NOS1AP: variants seen among roughly 807,000 people sequenced by gnomAD.
NOS1AP encodes the protein nitric oxide synthase 1 adaptor protein, also known as carboxyl-terminal PDZ ligand of neuronal nitric oxide synthase protein.
A neutral mutation model predicts 56.2 loss-of-function variants in NOS1AP; 21 were observed. The ratio of observed to expected loss-of-function variants is 0.37; its 90% CI spans 0.26 to 0.54. The LOEUF is 0.54. NOS1AP is among the 20% of genes least tolerant of loss of function. The pLI is 0.84. For synonymous variants in NOS1AP, 270 were observed against 274.6 expected (o/e 0.98, Z 0.17); for missense variants, 522 against 657.8 (o/e 0.79, Z 2.26).
At chr1:162,299,634 C>G (rs969809593) in intron 3 of NOS1AP, among the ~76,000 whole-genome samples, 4 of 152,116 alleles carry the variant, frequency 2.6e-5, no homozygotes, top group Admixed American at 2.6e-4. Context: ...TAGTTTTTGG[C>G]TGTAACTGAA....
chr1:162,279,398 C>G (rs183598680), intron 2 of NOS1AP, among the ~76,000 whole-genome samples: 1 of 152,210 alleles, frequency 6.6e-6, no homozygotes, highest in East Asian at 1.9e-4. Flanking sequence ...ATGCCAGGGC[C>G]TGTTTGACTT....
chr1:162,129,178 C>T (rs530387127), intron 1 of NOS1AP, among the ~76,000 whole-genome samples: 1 of 152,268 alleles, frequency 6.6e-6, no homozygotes, highest in South Asian at 2.1e-4. Context: ...TTATGACTCA[C>T]TTAAGCCTTC....
intron 5 of NOS1AP, among the ~76,000 whole-genome samples, chr1:162,338,093 AG>A (rs1224020901): frequency 2.0e-5 from 3 of 152,220 alleles, no homozygotes; most frequent in African/African-American, 7.2e-5. Flanking sequence ...ATTCTGTGGC[AG>A]TTAAGGTCAA....
chr1:162,337,824 C>T (rs1313261107), intron 5 of NOS1AP, among the ~76,000 whole-genome samples: 3 of 152,188 alleles, frequency 2.0e-5, no homozygotes, highest in Non-Finnish European at 2.9e-5. Flanking sequence ...CAAGGCATCA[C>T]CTCAACCAAA....
intron 2 of NOS1AP, among the ~76,000 whole-genome samples, chr1:162,277,089 A>T (rs913957585): frequency 1.3e-5 from 2 of 152,140 alleles, no homozygotes; most frequent in Non-Finnish European, 2.9e-5. Context: ...ACTACGCTAG[A>T]AATAAAGAAC....
At chr1:162,289,051 A>G (rs1227213891) in intron 3 of NOS1AP, among the ~76,000 whole-genome samples, 1 of 152,198 alleles carries the variant, frequency 6.6e-6, no homozygotes, top group East Asian at 1.9e-4. Context: ...AGCAAAAGAT[A>G]TCCTCAGAGG....
intron 1 of NOS1AP, among the ~76,000 whole-genome samples, chr1:162,120,618 G>A (rs1648171802): frequency 6.6e-6 from 1 of 152,196 alleles, no homozygotes; most frequent in Non-Finnish European, 1.5e-5. Flanking sequence ...AGTGAAAGGG[G>A]GAACCCCTTA....
chr1:162,151,186 C>G (rs1205086188), intron 1 of NOS1AP, among the ~76,000 whole-genome samples: 1 of 152,178 alleles, frequency 6.6e-6, no homozygotes, highest in Admixed American at 6.5e-5. Flanking sequence ...ATATGGATAT[C>G]CAGTTTTCCC....
intron 2 of NOS1AP, 123 bp from the exon 3 acceptor site, chr1:162,287,221 C>T (rs1461351176): frequency 1.4e-6 from 1 of 709,218 alleles, no homozygotes; most frequent in Non-Finnish European, 2.5e-6. Context: ...TGCTCCCTGC[C>T]CCCAGGAGCT....
At chr1:162,144,568 C>CTTTCT (rs10589803) in intron 1 of NOS1AP, among the ~76,000 whole-genome samples, 37,953 of 151,318 alleles carry the variant, frequency 0.25, 5,599 homozygotes, top group South Asian at 0.56. Flanking sequence ...ATGTGTTGGA[C>CTTTCT]TTTCTTTTCT....
At chr1:162,168,984 C>G (rs17423132) in intron 2 of NOS1AP, among the ~76,000 whole-genome samples, 1 of 152,162 alleles carries the variant, frequency 6.6e-6, no homozygotes, top group South Asian at 2.1e-4. Flanking sequence ...GATTCCGTCT[C>G]CCTCAGAGAG....
intron 5 of NOS1AP, among the ~76,000 whole-genome samples, chr1:162,339,908 C>T (rs1276933071): frequency 6.6e-6 from 1 of 152,130 alleles, no homozygotes; most frequent in Non-Finnish European, 1.5e-5. Context: ...TAACGAGGTC[C>T]CCATATAGAA....
chr1:162,356,891 CA>C, intron 7 of NOS1AP, 68 bp from the exon 8 acceptor site: 1 of 1,611,222 alleles, frequency 6.2e-7, no homozygotes, highest in Non-Finnish European at 8.5e-7. Flanking sequence ...GAGTGCATGC[CA>C]AAGAGAGGGA....
At position 162,128,720 on chromosome 1, in the gene NOS1AP, C is replaced by T. The variant is rs545669155; in HGVS notation, c.106-25685C>T. ...TATGTAGTTAAGTGTCTGCTATTTG[C>T]AAGGTAATTTGTTAGCCTATGAATT... is the stretch of plus-strand genomic sequence containing the variant. On this transcript the variant is annotated intron_variant, in intron 1 of 9. Coordinates refer to ENST00000361897, the MANE Select transcript of NOS1AP (RefSeq NM_014697.3). Among the ~76,000 whole-genome samples the T allele has an allele frequency of 5.3e-5, 8 of 152,108 alleles. No individual in the cohort carries two copies. The South Asian group carries it at 1.5e-3, about 28-fold the overall frequency.
At chr1:162,179,104 T>C (rs1287576514) in intron 2 of NOS1AP, among the ~76,000 whole-genome samples, 1 of 152,186 alleles carries the variant, frequency 6.6e-6, no homozygotes, top group Non-Finnish European at 1.5e-5. Context: ...CATCTCTCCT[T>C]TCTTTGCATG....
At position 162,178,638 on chromosome 1, in the gene NOS1AP, G is replaced by A. The variant is rs79070350; in HGVS notation, c.177+24162G>A. Reference sequence around the variant, plus strand: ...GCCAGAGCTTTTCCCACTGCGTCATGCCGTCTCTGGAGACCAGCATATAAC... The same window carrying A: ...GCCAGAGCTTTTCCCACTGCGTCATACCGTCTCTGGAGACCAGCATATAAC... On this transcript the variant is annotated intron_variant, in intron 2 of 9. Coordinates refer to ENST00000361897, the MANE Select transcript of NOS1AP (RefSeq NM_014697.3). Among the ~76,000 whole-genome samples, 388 of 152,286 alleles carry A rather than the reference G, an allele frequency of 2.5e-3. 2 individuals are homozygous for A. Among genetic ancestry groups the A allele is most frequent in the African/African-American group, 8.8e-3 (365 of 41,552 alleles).
chr1:162,308,238 G>A (rs568653089), intron 4 of NOS1AP, among the ~76,000 whole-genome samples: 2 of 152,350 alleles, frequency 1.3e-5, no homozygotes, highest in Admixed American at 1.3e-4. Flanking sequence ...CTATGTCAGA[G>A]CTGGTCCCAG....
At chr1:162,109,743 A>G (rs1471981173) in intron 1 of NOS1AP, among the ~76,000 whole-genome samples, 2 of 151,986 alleles carry the variant, frequency 1.3e-5, no homozygotes, top group African/African-American at 2.4e-5. Flanking sequence ...TACATCCGAG[A>G]TAAGTTCCTA....
intron 8 of NOS1AP, chr1:162,364,399 C>T (rs912152985): frequency 7.1e-6 from 7 of 985,338 alleles, no homozygotes; most frequent in African/African-American, 1.7e-5. Context: ...CTTCTTTGCA[C>T]AAGAATCACA....
Sources: allele counts gnomAD v4.1 joint callset (sites outside exome capture counted in the v4.1 genomes callset), GRCh38; gene constraint gnomAD v4.1.1; transcripts MANE v1.5; gene names NCBI Gene and HGNC (gene_info 2026-07-23, HGNC 2026-07-21).